Variants in RBM19 observed in about 807,000 individuals in gnomAD.
RBM19 encodes probable RNA-binding protein 19.
In RBM19, 94 loss-of-function variants were observed where a neutral mutation model predicts 116.8. That is an observed-to-expected ratio of 0.80 (90% confidence interval 0.68 to 0.95). The LOEUF is 0.95. RBM19 is among the 40% of genes least tolerant of loss of function. The pLI, the probability that RBM19 is intolerant of heterozygous loss-of-function variation, is 0.00. For synonymous variants in RBM19, 475 were observed against 494.1 expected, an observed-to-expected ratio of 0.96 and a Z score of 0.51; for missense variants, 1,161 against 1,220.7, an observed-to-expected ratio of 0.95 and a Z score of 0.73.
chr12:113,841,423 T>C (rs1876461450), intron 23 of RBM19, among the ~76,000 whole-genome samples: 1 of 100,154 alleles, frequency 1.0e-5, no homozygotes, highest in African/African-American at 3.6e-5. Context: ...TTTTCTTTTC[T>C]TTTTTTTTTT....
Position 113,903,230 on chromosome 12 carries a change from T to G in RBM19, c.2558+11739A>C, listed in dbSNP as rs1782712383. On this transcript the variant is annotated intron_variant, in intron 21 of 23. Coordinates refer to ENST00000261741, the MANE Select transcript of RBM19 (RefSeq NM_016196.4). This position sits in a 1 kb window ranked among gnomAD's most constrained non-coding sequence, Gnocchi z 5.1. ...TTTTCGATCTGTGGTTGGTGGAATC[T>G]GTGGGTGCAGAATCTGTGGATGTGG... 6.6e-6 allele frequency among the ~76,000 whole-genome samples: 1 copy of G among 152,216 alleles called. No homozygotes were observed.
chr12:113,830,491 C>T (rs1875284217), intron 23 of RBM19, among the ~76,000 whole-genome samples: 1 of 150,000 alleles, frequency 6.7e-6, no homozygotes, highest in Admixed American at 6.8e-5. Context: ...CTATGACTGG[C>T]CACGCACAAC....
At chr12:113,844,516 A>AG (rs61610092) in intron 23 of RBM19, 152 bp downstream of exon 23, 81,409 of 1,083,386 alleles carry the variant, frequency 0.075, 4,863 homozygotes, top group East Asian at 0.34. Context: ...GCAGGTCTGG[A>AG]GGGGCTGTGG....
chr12:113,944,890 TAC>T (rs1448405937), intron 13 of RBM19, among the ~76,000 whole-genome samples: 1 of 151,602 alleles, frequency 6.6e-6, no homozygotes, highest in Admixed American at 6.6e-5. Flanking sequence ...CACATTTATA[TAC>T]ATATACACAC....
intron 23 of RBM19, among the ~76,000 whole-genome samples, chr12:113,840,890 G>T (rs1297890382): frequency 6.6e-6 from 1 of 152,200 alleles, no homozygotes; most frequent in Non-Finnish European, 1.5e-5. Context: ...TGCTCCATGG[G>T]CACTGCCTAT....
chr12:113,907,886 C>A (rs144641772), intron 21 of RBM19, among the ~76,000 whole-genome samples: 1 of 152,156 alleles, frequency 6.6e-6, no homozygotes, highest in Non-Finnish European at 1.5e-5. Flanking sequence ...AACTCTGCTG[C>A]GGAAGCCCCA....
intron 23 of RBM19, among the ~76,000 whole-genome samples, chr12:113,834,390 G>C (rs1285095655): frequency 6.6e-6 from 1 of 152,154 alleles, no homozygotes; most frequent in Non-Finnish European, 1.5e-5. Context: ...TGAGAAAGTG[G>C]GGAGTCACCA....
At chr12:113,931,082 AT>A (rs1359567954) in intron 16 of RBM19, among the ~76,000 whole-genome samples, 1 of 152,238 alleles carries the variant, frequency 6.6e-6, no homozygotes, top group Non-Finnish European at 1.5e-5. Flanking sequence ...CAATTACCAA[AT>A]TTTAAAAGGA....
At chr12:113,928,298 C>T (rs1240767854) in intron 16 of RBM19, among the ~76,000 whole-genome samples, 1 of 152,116 alleles carries the variant, frequency 6.6e-6, no homozygotes, top group Admixed American at 6.5e-5. Flanking sequence ...GATCATGCCA[C>T]TGCACTCCAG....
intron 23 of RBM19, among the ~76,000 whole-genome samples, chr12:113,830,161 G>A (rs1875246013): frequency 1.3e-5 from 2 of 152,198 alleles, no homozygotes; most frequent in South Asian, 4.1e-4. Flanking sequence ...CACTAGCCCA[G>A]CCTCCCTAGG....
intron 22 of RBM19, 57 bp from the exon 23 acceptor site, chr12:113,844,845 C>T: frequency 6.6e-7 from 1 of 1,512,384 alleles, no homozygotes; most frequent in Non-Finnish European, 8.9e-7. Context: ...GGCAGACACT[C>T]CACTCTGCCT....
At position 113,903,210 on chromosome 12, in the gene RBM19, G is replaced by A. The variant is rs564527973; in HGVS notation, c.2558+11759C>T. ...CTCAAGTCCCTTCTGCATTATTTTCGATCTGTGGTTGGTGGAATCTGTGGG... is the reference window on the plus strand; with the variant it reads ...CTCAAGTCCCTTCTGCATTATTTTCAATCTGTGGTTGGTGGAATCTGTGGG... On this transcript the variant is annotated intron_variant, in intron 21 of 23. Coordinates refer to ENST00000261741, the MANE Select transcript of RBM19 (RefSeq NM_016196.4). This position sits in a 1 kb window ranked among gnomAD's most constrained non-coding sequence, Gnocchi z 5.1. Among the ~76,000 whole-genome samples the A allele has an allele frequency of 2.6e-5, 4 of 152,256 alleles. No homozygotes were observed. Among genetic ancestry groups the A allele is most frequent in the Non-Finnish European group, 2.9e-5 (2 of 68,022 alleles).
chr12:113,912,871 G>C (rs1006172206), intron 21 of RBM19, among the ~76,000 whole-genome samples: 4 of 152,158 alleles, frequency 2.6e-5, no homozygotes, highest in Non-Finnish European at 4.4e-5. Flanking sequence ...TGAAGTCCCT[G>C]AGAAGGCTCA....
At chr12:113,886,420 A>G (rs1328210445) in intron 21 of RBM19, among the ~76,000 whole-genome samples, 1 of 152,206 alleles carries the variant, frequency 6.6e-6, no homozygotes, top group African/African-American at 2.4e-5. Context: ...GGTGTAAGCC[A>G]CCGCGACTGG....
At chr12:113,950,256 G>A in intron 8 of RBM19, 102 bp from the exon 9 acceptor site, 3 of 932,392 alleles carry the variant, frequency 3.2e-6, no homozygotes, top group Non-Finnish European at 5.0e-6. Context: ...GAAAGTGAGG[G>A]AGAAACCTCT....
At chr12:113,831,985 T>G (rs1875459474) in intron 23 of RBM19, among the ~76,000 whole-genome samples, 1 of 152,090 alleles carries the variant, frequency 6.6e-6, no homozygotes, top group Admixed American at 6.5e-5. Flanking sequence ...GGGCGCACAC[T>G]TGGGAACTGC....
At position 113,948,982 on chromosome 12, in the gene RBM19, G is replaced by A; in HGVS notation, c.1127C>T (p.Ala376Val). Residue 376 changes from alanine to valine, a missense_variant, in exon 10 of 24, where the codon GCA (alanine) becomes GTA (valine). Transcript: ENST00000261741. The stretch of plus-strand genomic sequence containing the variant: ...CCAGGATTTGGTGGTATTCTTTGGT[G>A]CACCCTTGGTGGTGGGGACGTTCTT... ...REKNVPTTKG[A>V]PKNTTKSWQG... 1 of 1,614,206 alleles carries A rather than the reference G, an allele frequency of 6.2e-7. No individual in the cohort carries two copies. Among genetic ancestry groups the A allele is most frequent in the African/African-American group, 1.3e-5 (1 of 75,050 alleles).
Position 113,825,723 on chromosome 12 carries a change from T to G in RBM19, c.2786-2402A>C, listed in dbSNP as rs892058321. ...TGGCGAGGGGCGAGTTCTAGCCCCA[T>G]CCATTGTGTCGGCTCAACCTGTAAG... On this transcript the variant is annotated intron_variant, in intron 23 of 23. Coordinates refer to ENST00000261741, the MANE Select transcript of RBM19 (RefSeq NM_016196.4). This position sits in a 1 kb window ranked among gnomAD's most constrained non-coding sequence, Gnocchi z 5.7. 7.9e-3 allele frequency among the ~76,000 whole-genome samples: 1,200 copies of G among 152,238 alleles called. 22 individuals are homozygous for G. Among genetic ancestry groups the G allele is most frequent in the African/African-American group, 0.028 (1,159 of 41,534 alleles).
At chr12:113,928,236 C>T (rs1869285689) in intron 16 of RBM19, among the ~76,000 whole-genome samples, 3 of 152,078 alleles carry the variant, frequency 2.0e-5, no homozygotes, top group Admixed American at 1.3e-4. Flanking sequence ...ACTTGGGAGG[C>T]TGAGGCACAA....
Sources: allele counts gnomAD v4.1 joint callset (sites outside exome capture counted in the v4.1 genomes callset), GRCh38; gene constraint gnomAD v4.1.1; non-coding constraint Gnocchi (gnomAD v3.1); transcripts MANE v1.5; gene names NCBI Gene and HGNC (gene_info 2026-07-23, HGNC 2026-07-21).